TLN2: variants seen among roughly 807,000 people sequenced by gnomAD.
The protein encoded by TLN2 is talin-2.
A neutral mutation model predicts 294.7 loss-of-function variants in TLN2; 118 were observed. That is an observed-to-expected ratio of 0.40 (90% confidence interval 0.34 to 0.47). The LOEUF (loss-of-function observed/expected upper bound fraction) is 0.47, where lower values mean the gene tolerates loss of function less well. Among genes scored for constraint, TLN2 ranks in the 20% least tolerant of loss-of-function variants. TLN2 has a pLI of 0.84. For missense variants in TLN2, 3,083 were observed against 3,282.2 expected (o/e 0.94, Z 1.48); for synonymous variants, 1,431 against 1,304.5 (o/e 1.10, Z -2.09).
chr15:62,766,371 C>G lies in TLN2; in HGVS notation c.5145C>G (p.Ile1715Met). The G allele has an allele frequency of 6.2e-7, 1 of 1,613,218 alleles. No individual in the cohort carries two copies. Among genetic ancestry groups the G allele is most frequent in the Non-Finnish European group, 8.5e-7 (1 of 1,179,268 alleles). ...TSVVQEIGHL[I>M]DPIATAARGE... ...TGGTCCAGGAAATCGGACACCTTAT[C>G]GATCCCATCGCCACAGCGGCTCGGG... Residue 1715 changes from isoleucine (I) to methionine (M), a missense_variant, in exon 41 of 59, where the codon ATC becomes ATG. By Grantham distance (10) the Ile-to-Met change is conservative. Coordinates refer to ENST00000636159, the MANE Select transcript of TLN2 (RefSeq NM_015059.3).
At position 62,843,066 on chromosome 15, in the gene TLN2, C is replaced by G. The variant is rs1011734145; in HGVS notation, c.*2456C>G. Reference sequence around the variant, plus strand: ...GTCCTTCAAAGGAAAATAACACAGGCATGAGTTCATTTGGGAGTGTGAACT... The same window carrying G: ...GTCCTTCAAAGGAAAATAACACAGGGATGAGTTCATTTGGGAGTGTGAACT... On this transcript the variant is annotated 3_prime_UTR_variant, in exon 59 of 59. Coordinates refer to ENST00000636159, the MANE Select transcript of TLN2 (RefSeq NM_015059.3). The G allele has an allele frequency of 1.3e-5, 2 of 152,176 alleles. No homozygotes were observed. Among genetic ancestry groups the G allele is most frequent in the African/African-American group, 4.8e-5 (2 of 41,436 alleles). The allele number at this position is 152,176 out of a possible 1,614,324, so 9.4% of individuals were successfully genotyped here.
intron 45 of TLN2, among the ~76,000 whole-genome samples, chr15:62,787,758 T>C (rs1185563451): frequency 6.9e-6 from 1 of 145,714 alleles, no homozygotes; most frequent in Non-Finnish European, 1.5e-5. Context: ...AATGGTGTGA[T>C]CTCGGCTCAC....
intron 1 of TLN2, among the ~76,000 whole-genome samples, chr15:62,532,485 T>C (rs12904839): frequency 0.52 from 79,509 of 151,906 alleles, 21,817 homozygotes; most frequent in African/African-American, 0.7. Flanking sequence ...CAGCCAGCAG[T>C]GAACTGCTCT....
chr15:62,612,807 C>T (rs1023359516), intron 2 of TLN2, among the ~76,000 whole-genome samples: 4 of 152,100 alleles, frequency 2.6e-5, no homozygotes, highest in Non-Finnish European at 5.9e-5. Context: ...TTTTATGTTA[C>T]GTAGAAATGT....
rs190247578 is a variant in TLN2 at position 62,618,358 on chromosome 15, G to T, written c.-154G>T. On this transcript the variant is annotated 5_prime_UTR_variant, in exon 3 of 59. Transcript: ENST00000636159. ...CACACTCTTCCACGACAGAAAGTCT[G>T]CCTGGCGGAGGACACCTGCACTTGT... 1 of 152,326 alleles carries T rather than the reference G, an allele frequency of 6.6e-6. No individual in the cohort carries two copies. Among genetic ancestry groups the T allele is most frequent in the Non-Finnish European group, 1.5e-5 (1 of 68,046 alleles). 9.4% of individuals were successfully genotyped at this position (152,326 alleles called of 1,614,324 possible). A position where few individuals can be genotyped will look rare whatever the true frequency, so the allele number is the denominator to read the frequency against.
At chr15:62,570,336 G>A (rs920825264) in intron 1 of TLN2, among the ~76,000 whole-genome samples, 4 of 152,158 alleles carry the variant, frequency 2.6e-5, no homozygotes, top group South Asian at 2.1e-4. Flanking sequence ...AAACATGGCC[G>A]TTGGAAAAAA....
Position 62,833,536 on chromosome 15 carries a change from G to C in TLN2, c.7035G>C (p.Gln2345His), listed in dbSNP as rs1256171564. Residue 2345 changes from glutamine to histidine, a missense_variant, in exon 55 of 59, where the codon CAG (glutamine) becomes CAC (histidine). Physicochemically the swap from Gln to His is conservative, Grantham distance 24 (BLOSUM62 0). Transcript: ENST00000636159. ...ATGAGACCCTGGACTTTGAGGAACAGATCTTGGAAGCTGCTAAATCCATTG... is the reference window on the plus strand; with the variant it reads ...ATGAGACCCTGGACTTTGAGGAACACATCTTGGAAGCTGCTAAATCCATTG... The part of the protein sequence containing the change: ...QADETLDFEE[Q>H]ILEAAKSIAA... 1 of 1,614,182 alleles carries C rather than the reference G, an allele frequency of 6.2e-7. No homozygotes were observed. Among genetic ancestry groups the C allele is most frequent in the East Asian group, 2.2e-5 (1 of 44,884 alleles).
At chr15:62,718,672 C>G (rs1332969269) in intron 24 of TLN2, among the ~76,000 whole-genome samples, 1 of 152,142 alleles carries the variant, frequency 6.6e-6, no homozygotes, top group Non-Finnish European at 1.5e-5. Flanking sequence ...GAGAAGGAGT[C>G]TTGCTGAGAG....
chr15:62,833,168 AAAGGGT>A (rs1490145213), intron 54 of TLN2: 4 of 182,008 alleles, frequency 2.2e-5, no homozygotes, highest in Admixed American at 1.8e-4. Flanking sequence ...ACATTAGGTA[AAAGGGT>A]AAATTTTGTG....
In TLN2 at chr15:62,575,604, A is replaced by AC. The variant is rs1383177712; in HGVS notation, c.-237-14083_-237-14082insC. On this transcript the variant is annotated intron_variant, in intron 1 of 58. Transcript: ENST00000636159. ...ATCAATTTCCATGGAATCACTTAAA[A>AC]AACACACACACACACACACATACAC... Among the ~76,000 whole-genome samples, 415 of 92,780 alleles carry AC rather than the reference A, an allele frequency of 4.5e-3. 2 individuals are homozygous for AC. Among genetic ancestry groups the AC allele is most frequent in the South Asian group, 7.4e-3 (14 of 1,890 alleles). The allele number at this position is 92,780 out of a possible 152,430, so 60.9% of individuals were successfully genotyped here.
chr15:62,439,769 G>A (rs1028939525), intron 1 of TLN2, among the ~76,000 whole-genome samples: 3 of 152,182 alleles, frequency 2.0e-5, no homozygotes, highest in Admixed American at 6.6e-5. Flanking sequence ...GGTATGCATT[G>A]TCCTTTGTGA....
chr15:62,783,717 C>T, intron 44 of TLN2, 54 bp from the exon 45 acceptor site: 1 of 1,362,912 alleles, frequency 7.3e-7, no homozygotes, highest in Non-Finnish European at 9.5e-7. Context: ...TCATGCGTTT[C>T]TCTCTGTGTG....
intron 11 of TLN2, among the ~76,000 whole-genome samples, chr15:62,676,185 G>A (rs1280493408): frequency 6.6e-6 from 1 of 152,176 alleles, no homozygotes; most frequent in Non-Finnish European, 1.5e-5. Context: ...TGCAAAAGAA[G>A]AAGTTACGTT....
At chr15:62,621,061 G>T (rs191017250) in intron 3 of TLN2, among the ~76,000 whole-genome samples, 2 of 150,806 alleles carry the variant, frequency 1.3e-5, no homozygotes, top group East Asian at 2.0e-4. Flanking sequence ...GGATGGTCTC[G>T]ATCTCCTGAC....
At chr15:62,768,783 T>A (rs2063174798) in intron 41 of TLN2, among the ~76,000 whole-genome samples, 1 of 152,222 alleles carries the variant, frequency 6.6e-6, no homozygotes, top group Admixed American at 6.5e-5. Flanking sequence ...GCTTTGCCTG[T>A]AATATGTGAG....
chr15:62,571,714 C>G lies in TLN2; in HGVS notation c.-237-17973C>G, dbSNP rs139651309. On this transcript the variant is annotated intron_variant, in intron 1 of 58. Transcript: ENST00000636159. ...TGACCCATCTTGTTTTTTCTAGAGT[C>G]CCCTTTCTCCATTCACTCGATTATT... Among the ~76,000 whole-genome samples the G allele has an allele frequency of 1.1e-4, 17 of 152,254 alleles. No homozygotes were observed. The East Asian group carries it at 3.3e-3, about 29-fold the overall frequency.
chr15:62,489,022 A>G (rs1305535274), intron 1 of TLN2, among the ~76,000 whole-genome samples: 3 of 152,132 alleles, frequency 2.0e-5, no homozygotes, highest in Non-Finnish European at 4.4e-5. Flanking sequence ...TTAGCTGGGC[A>G]TGGTGGTGCA....
chr15:62,454,394 C>T (rs1267566886), intron 1 of TLN2, among the ~76,000 whole-genome samples: 1 of 152,168 alleles, frequency 6.6e-6, no homozygotes, highest in Non-Finnish European at 1.5e-5. Flanking sequence ...AGTGCTTTTG[C>T]TTCCAGACCC....
At chr15:62,733,172 C>A (rs1291740129) in intron 28 of TLN2, among the ~76,000 whole-genome samples, 3 of 152,120 alleles carry the variant, frequency 2.0e-5, no homozygotes, top group African/African-American at 7.2e-5. Context: ...GAACATGGAG[C>A]TGTGGAGAGG....
Sources: gnomAD v4.1 joint callset for allele counts (sites outside exome capture counted in the v4.1 genomes callset) on GRCh38, gnomAD v4.1.1 for gene constraint, MANE v1.5 for transcripts, NCBI Gene and HGNC (gene_info 2026-07-23, HGNC 2026-07-21) for gene names.